The following SDK1 variants were observed in gnomAD, a reference collection of about 807,000 sequenced individuals.
SDK1 encodes sidekick cell adhesion molecule 1, also known as protein sidekick-1.
In SDK1, 157 loss-of-function variants were observed where a neutral mutation model predicts 245.5. The observed-to-expected ratio is 0.64, with a 90% confidence interval of 0.56 to 0.73. The LOEUF is 0.73. Ranked by LOEUF, SDK1 falls within the 30% of genes least tolerant of loss-of-function variation. The pLI, the probability that SDK1 is intolerant of heterozygous loss-of-function variation, is 0.00. For synonymous variants in SDK1, 1,647 were observed against 1,278.5 expected (o/e 1.29, Z -6.15); for missense variants, 3,583 against 3,002.3 (o/e 1.19, Z -4.52).
At chr7:4,187,125 G>A (rs556330873) in intron 35 of SDK1, among the ~76,000 whole-genome samples, 1 of 152,186 alleles carries the variant, frequency 6.6e-6, no homozygotes, top group Non-Finnish European at 1.5e-5. Context: ...CTGTGAGAGA[G>A]GACAGGTGGG....
In SDK1 at chr7:3,333,982, G is replaced by A. The variant is rs186844542; in HGVS notation, c.298+32098G>A. On this transcript the variant is annotated intron_variant, in intron 1 of 44. Coordinates refer to ENST00000404826, the MANE Select transcript of SDK1 (RefSeq NM_152744.4). ...GCCCCAGAACCACACCACCTTGGCC[G>A]CTGTCCACAAGAGTAAAGTGGCTAC... is the stretch of plus-strand genomic sequence containing the variant. Among the ~76,000 whole-genome samples the A allele has an allele frequency of 3.4e-3, 522 of 152,248 alleles. 2 individuals are homozygous for A. Among genetic ancestry groups the A allele is most frequent in the African/African-American group, 0.012 (488 of 41,536 alleles).
chr7:3,531,385 T>C (rs1255045503), intron 1 of SDK1, among the ~76,000 whole-genome samples: 1 of 152,236 alleles, frequency 6.6e-6, no homozygotes, highest in Non-Finnish European at 1.5e-5. Flanking sequence ...TTATCTTCAT[T>C]TGAAAAATAA....
At chr7:4,063,048 G>A (rs1373720430) in intron 19 of SDK1, among the ~76,000 whole-genome samples, 1 of 152,124 alleles carries the variant, frequency 6.6e-6, no homozygotes, top group African/African-American at 2.4e-5. Flanking sequence ...ACTGGAACAA[G>A]ACAAAGATGC....
At chr7:3,545,027 T>C (rs2128621464) in intron 1 of SDK1, among the ~76,000 whole-genome samples, 1 of 152,206 alleles carries the variant, frequency 6.6e-6, no homozygotes, top group East Asian at 1.9e-4. Context: ...CCATCACTGA[T>C]GGAGGGGGCA....
intron 1 of SDK1, among the ~76,000 whole-genome samples, chr7:3,522,698 G>C (rs1251103178): frequency 1.3e-5 from 2 of 152,016 alleles, no homozygotes; most frequent in Admixed American, 6.6e-5. Context: ...TTGACAAACC[G>C]GGGGACGTGC....
intron 20 of SDK1, among the ~76,000 whole-genome samples, chr7:4,071,967 ACTT>A (rs1408073613): frequency 6.6e-6 from 1 of 152,184 alleles, no homozygotes; most frequent in Non-Finnish European, 1.5e-5. Flanking sequence ...CACAGCACAC[ACTT>A]CTTTCCTGTT....
chr7:3,495,174 C>G (rs1415500046), intron 1 of SDK1, among the ~76,000 whole-genome samples: 20 of 151,406 alleles, frequency 1.3e-4, no homozygotes, highest in Admixed American at 1.3e-3. Flanking sequence ...TCCTCCTGAT[C>G]ATGCATTGTC....
chr7:3,473,072 C>G (rs546609154), intron 1 of SDK1, among the ~76,000 whole-genome samples: 1 of 152,160 alleles, frequency 6.6e-6, no homozygotes, highest in Non-Finnish European at 1.5e-5. Context: ...TGGCTTCTTA[C>G]GATTTTGAAA....
rs1260927449 is a variant in SDK1 at position 4,146,773 on chromosome 7, T to TG, written c.4423+858dup. 5.3e-5 allele frequency among the ~76,000 whole-genome samples: 8 copies of TG among 152,348 alleles called. No homozygotes were observed. In the South Asian group the frequency reaches 1.0e-3, roughly 20 times the overall value. On this transcript the variant is annotated intron_variant, in intron 29 of 44. Transcript: ENST00000404826. Reference sequence around the variant, plus strand: ...GCTCTGCTCCACGCACGGAGACAGGTGCTCCATGCACTGCACTTGGCCTAT... The same window carrying TG: ...GCTCTGCTCCACGCACGGAGACAGGTGGCTCCATGCACTGCACTTGGCCTAT...
chr7:3,741,193 T>G (rs1012992103), intron 4 of SDK1, among the ~76,000 whole-genome samples: 1 of 152,218 alleles, frequency 6.6e-6, no homozygotes, highest in African/African-American at 2.4e-5. Context: ...GAGAGCTTGC[T>G]GGGACAGTCT....
At chr7:3,984,671 A>G (rs1001559996) in intron 13 of SDK1, among the ~76,000 whole-genome samples, 1 of 151,478 alleles carries the variant, frequency 6.6e-6, no homozygotes, top group African/African-American at 2.4e-5. Context: ...CTTCTCTCCA[A>G]CTCCTACTGT....
intron 1 of SDK1, among the ~76,000 whole-genome samples, chr7:3,348,807 C>T (rs1780578116): frequency 6.6e-6 from 1 of 152,134 alleles, no homozygotes; most frequent in South Asian, 2.1e-4. Flanking sequence ...AAGTACTATG[C>T]CTGGAACATG....
chr7:3,920,332 G>A (rs1007170036), intron 5 of SDK1, among the ~76,000 whole-genome samples: 2 of 152,200 alleles, frequency 1.3e-5, no homozygotes, highest in African/African-American at 4.8e-5. Flanking sequence ...TTGCAGGTGA[G>A]ATGTCATTAG....
At chr7:3,876,240 G>C (rs10254099) in intron 5 of SDK1, among the ~76,000 whole-genome samples, 47,674 of 152,094 alleles carry the variant, frequency 0.31, 9,797 homozygotes, top group African/African-American at 0.59. Flanking sequence ...TGGCAACTTT[G>C]TTCAAAGTAT....
intron 14 of SDK1, among the ~76,000 whole-genome samples, chr7:4,006,788 G>A (rs1379697062): frequency 6.6e-6 from 1 of 152,206 alleles, no homozygotes; most frequent in African/African-American, 2.4e-5. Flanking sequence ...AATAGGCCCT[G>A]TTGTCAAATC....
rs10260973 is a variant in SDK1 at position 3,854,766 on chromosome 7, C to G, written c.847+33183C>G. On this transcript the variant is annotated intron_variant, in intron 5 of 44. Transcript: ENST00000404826. ...GAAGTACCTTCTGCAGCCACTCCTT[C>G]TCACTCCAAATAATAGAAACAACAA... 9.5e-3 allele frequency among the ~76,000 whole-genome samples: 1,439 copies of G among 152,226 alleles called. 22 individuals are homozygous for G. The highest frequency in any genetic ancestry group is 0.033 in the African/African-American group (1,371 of 41,534).
intron 5 of SDK1, among the ~76,000 whole-genome samples, chr7:3,852,853 T>A (rs1780453124): frequency 6.6e-6 from 1 of 152,068 alleles, no homozygotes; most frequent in Non-Finnish European, 1.5e-5. Context: ...CTTTAAATTC[T>A]TAAATTCCAT....
At chr7:3,312,521 A>G (rs768047323) in intron 1 of SDK1, among the ~76,000 whole-genome samples, 2 of 152,184 alleles carry the variant, frequency 1.3e-5, no homozygotes, top group Non-Finnish European at 2.9e-5. Context: ...ATGGAGTTGG[A>G]AAAGAACCCA....
intron 20 of SDK1, among the ~76,000 whole-genome samples, chr7:4,069,293 A>G (rs189024585): frequency 6.6e-6 from 1 of 151,154 alleles, no homozygotes; most frequent in East Asian, 1.9e-4. Context: ...TCAGCCTCCA[A>G]CAGACATCTG....
Sources: gnomAD v4.1 joint callset for allele counts (sites outside exome capture counted in the v4.1 genomes callset) on GRCh38, gnomAD v4.1.1 for gene constraint, MANE v1.5 for transcripts, NCBI Gene and HGNC (gene_info 2026-07-23, HGNC 2026-07-21) for gene names.